LRRC4C: variants seen among roughly 807,000 people sequenced by gnomAD.
LRRC4C encodes the protein leucine rich repeat containing 4C.
In LRRC4C, 5 loss-of-function variants were observed where a neutral mutation model predicts 33.6. That is an observed-to-expected ratio of 0.15 (90% CI 0.08 to 0.31). The LOEUF is 0.31. Among genes scored for constraint, LRRC4C ranks in the 10% least tolerant of loss-of-function variants. LRRC4C has a pLI of 1.00. For missense variants in LRRC4C, 560 were observed against 796.7 expected (o/e 0.70, Z 3.58); for synonymous variants, 329 against 302.0 (o/e 1.09, Z -0.93).
At chr11:40,276,298 G>A (rs1490071910) in intron 4 of LRRC4C, among the ~76,000 whole-genome samples, 1 of 152,120 alleles carries the variant, frequency 6.6e-6, no homozygotes, top group Non-Finnish European at 1.5e-5. Flanking sequence ...TAGGAAGCAA[G>A]AGCCTGCTTT....
At chr11:40,192,367 T>G (rs1266903230) in intron 5 of LRRC4C, among the ~76,000 whole-genome samples, 1 of 152,022 alleles carries the variant, frequency 6.6e-6, no homozygotes, top group Admixed American at 6.5e-5. Flanking sequence ...CACAAAGGGT[T>G]GGGGAACTCC....
At chr11:40,203,232 T>C (rs1188400141) in intron 5 of LRRC4C, among the ~76,000 whole-genome samples, 1 of 152,144 alleles carries the variant, frequency 6.6e-6, no homozygotes, top group South Asian at 2.1e-4. Flanking sequence ...ATGATATGGA[T>C]AGGCCGTGAG....
At chr11:40,801,433 C>T (rs1163791357) in intron 2 of LRRC4C, among the ~76,000 whole-genome samples, 1 of 152,122 alleles carries the variant, frequency 6.6e-6, no homozygotes, top group Non-Finnish European at 1.5e-5. Context: ...CACTTTATAG[C>T]AATTACTTCT....
intron 2 of LRRC4C, among the ~76,000 whole-genome samples, chr11:40,816,295 T>C (rs532289894): frequency 3.8e-4 from 58 of 152,196 alleles, no homozygotes; most frequent in Non-Finnish European, 7.5e-4. Context: ...TGCCAACAGA[T>C]TGCTGGATTT....
chr11:41,290,715 G>T lies in LRRC4C; in HGVS notation c.-496+168716C>A, dbSNP rs372901602. Reference sequence around the variant, plus strand: ...ACTCTCCCCTCATTCTACCCTATTAGATTCCTGCCATGAAGGGAATTATAT... The same window carrying T: ...ACTCTCCCCTCATTCTACCCTATTATATTCCTGCCATGAAGGGAATTATAT... On this transcript the variant is annotated intron_variant, in intron 1 of 6. Transcript: ENST00000528697. 2.0e-4 allele frequency among the ~76,000 whole-genome samples: 30 copies of T among 152,218 alleles called. 1 individual carries two copies. In the South Asian group the frequency reaches 6.0e-3, roughly 30 times the overall value.
intron 1 of LRRC4C, among the ~76,000 whole-genome samples, chr11:41,101,510 A>G (rs1307856334): frequency 6.6e-6 from 1 of 152,176 alleles, no homozygotes; most frequent in African/African-American, 2.4e-5. Context: ...GATGGTGGTG[A>G]GGTTGCAGAG....
chr11:40,133,737 C>T (rs1856799771), intron 6 of LRRC4C, among the ~76,000 whole-genome samples: 1 of 151,892 alleles, frequency 6.6e-6, no homozygotes, highest in Non-Finnish European at 1.5e-5. Context: ...TCTGGGTGTT[C>T]AGAGAGAACC....
At chr11:41,438,886 A>T (rs543409740) in intron 1 of LRRC4C, among the ~76,000 whole-genome samples, 4 of 151,702 alleles carry the variant, frequency 2.6e-5, no homozygotes, top group East Asian at 3.9e-4. Context: ...GTGTTTTTAA[A>T]TTTTTTTTTG....
chr11:40,722,201 A>G (rs1037740553), intron 2 of LRRC4C, among the ~76,000 whole-genome samples: 2 of 152,144 alleles, frequency 1.3e-5, no homozygotes, highest in African/African-American at 4.8e-5. Context: ...TTCATTTTGT[A>G]CTATTTGGTA....
In LRRC4C at chr11:40,892,776, G is replaced by A. The variant is rs544312945; in HGVS notation, c.-407+40859C>T. On this transcript the variant is annotated intron_variant, in intron 2 of 6. Transcript: ENST00000528697. ...AGAAAGTAGAATACAGGTTACCAGC[G>A]GCTGGGGGCTGAATATAAGTTATTG... Among the ~76,000 whole-genome samples, 4 of 152,228 alleles carry A rather than the reference G, an allele frequency of 2.6e-5. No individual in the cohort carries two copies. In the South Asian group the frequency reaches 6.2e-4, roughly 24 times the overall value.
intron 1 of LRRC4C, among the ~76,000 whole-genome samples, chr11:41,175,496 C>CCCT (rs1945159832): frequency 6.6e-6 from 1 of 152,014 alleles, no homozygotes; most frequent in African/African-American, 2.4e-5. Context: ...GTGATCAGAT[C>CCCT]ACTGAATCCT....
intron 1 of LRRC4C, among the ~76,000 whole-genome samples, chr11:41,235,057 C>A (rs188366316): frequency 6.6e-6 from 1 of 152,010 alleles, no homozygotes; most frequent in Non-Finnish European, 1.5e-5. Context: ...GTTCTATAAA[C>A]ATGTGGATAA....
At chr11:40,963,707 A>G (rs1851127367) in intron 1 of LRRC4C, among the ~76,000 whole-genome samples, 1 of 151,798 alleles carries the variant, frequency 6.6e-6, no homozygotes, top group African/African-American at 2.4e-5. Context: ...CCAGGCAGGA[A>G]TCAATCAAAT....
At chr11:40,713,710 C>A (rs759378175) in intron 2 of LRRC4C, among the ~76,000 whole-genome samples, 1 of 152,128 alleles carries the variant, frequency 6.6e-6, no homozygotes, top group African/African-American at 2.4e-5. Flanking sequence ...GTTTCTCCTT[C>A]TCGCTGATAT....
chr11:40,244,941 T>C (rs1393897111), intron 4 of LRRC4C, among the ~76,000 whole-genome samples: 4 of 152,188 alleles, frequency 2.6e-5, no homozygotes, highest in African/African-American at 9.7e-5. Flanking sequence ...AAATAGACTT[T>C]TTCCAATTAA....
At chr11:40,570,932 A>T (rs1386193450) in intron 3 of LRRC4C, among the ~76,000 whole-genome samples, 1 of 152,120 alleles carries the variant, frequency 6.6e-6, no homozygotes, top group Non-Finnish European at 1.5e-5. Flanking sequence ...ACAAGAAAAA[A>T]CTTTGGATAT....
intron 1 of LRRC4C, among the ~76,000 whole-genome samples, chr11:41,436,433 T>C (rs1034141367): frequency 6.6e-6 from 1 of 152,196 alleles, no homozygotes; most frequent in Non-Finnish European, 1.5e-5. Context: ...AGGCATTCAG[T>C]ACAAAACTGG....
rs541957573 is a variant in LRRC4C at position 40,390,741 on chromosome 11, G to T, written c.-269-71020C>A. 1.4e-4 allele frequency among the ~76,000 whole-genome samples: 22 copies of T among 152,268 alleles called. No individual in the cohort carries two copies. The East Asian group carries it at 2.9e-3, about 20-fold the overall frequency. ...AGGGACCTGACTCATTTGACTCTTT[G>T]AGTTCATGATGGTAGTTCTGTAACA... On this transcript the variant is annotated intron_variant, in intron 3 of 6. Coordinates refer to ENST00000528697, the MANE Select transcript of LRRC4C (RefSeq NM_001258419.2).
At chr11:41,040,666 A>G (rs1011761376) in intron 1 of LRRC4C, among the ~76,000 whole-genome samples, 2 of 152,230 alleles carry the variant, frequency 1.3e-5, no homozygotes, top group African/African-American at 4.8e-5. Context: ...AGACTTCTCA[A>G]CCTGAAACTA....
Sources: gnomAD v4.1 joint callset for allele counts (sites outside exome capture counted in the v4.1 genomes callset) on GRCh38, gnomAD v4.1.1 for gene constraint, MANE v1.5 for transcripts, NCBI Gene and HGNC (gene_info 2026-07-23, HGNC 2026-07-21) for gene names.